The following ZSWIM6 variants were observed in gnomAD, a reference collection of about 807,000 sequenced individuals.
ZSWIM6 encodes the protein zinc finger SWIM-type containing 6.
A neutral mutation model predicts 113.2 loss-of-function variants in ZSWIM6; 9 were observed. The observed-to-expected ratio is 0.08, with a 90% CI of 0.05 to 0.14. The LOEUF is 0.14. Among genes scored for constraint, ZSWIM6 ranks in the 10% least tolerant of loss-of-function variants. The pLI, the probability that ZSWIM6 is intolerant of heterozygous loss-of-function variation, is 1.00. For synonymous variants in ZSWIM6, 611 were observed against 606.5 expected (o/e 1.01, Z -0.11); for missense variants, 1,162 against 1,552.2 (o/e 0.75, Z 4.22).
chr5:61,428,810 A>G (rs1468747149), intron 1 of ZSWIM6, among the ~76,000 whole-genome samples: 1 of 152,072 alleles, frequency 6.6e-6, no homozygotes, highest in Admixed American at 6.6e-5. Flanking sequence ...TGTTGTTTTT[A>G]TTATTTTTTT....
rs1424109652 is a variant in ZSWIM6 at position 61,384,558 on chromosome 5, AG to A, written c.676+51611del. ...AGATTATGGGGTTTAGAAAGTGTGA[AG>A]ATGGATAGGCGACCAGTTTGGCTTT... On this transcript the variant is annotated intron_variant, in intron 1 of 13. Coordinates refer to ENST00000252744, the MANE Select transcript of ZSWIM6 (RefSeq NM_020928.2). Among the ~76,000 whole-genome samples the A allele has an allele frequency of 9.8e-5, 15 of 152,312 alleles. No individual in the cohort carries two copies. In the East Asian group the frequency reaches 2.7e-3, roughly 27 times the overall value.
chr5:61,507,583 T>C (rs578253697), intron 4 of ZSWIM6, among the ~76,000 whole-genome samples: 3 of 152,362 alleles, frequency 2.0e-5, no homozygotes, highest in African/African-American at 7.2e-5. Context: ...ATTTATCTAC[T>C]GTTTCAATCT....
chr5:61,439,891 T>A (rs1746789273), intron 1 of ZSWIM6, among the ~76,000 whole-genome samples: 1 of 152,184 alleles, frequency 6.6e-6, no homozygotes, highest in Admixed American at 6.5e-5. Context: ...AATTTGGTTT[T>A]CTCATGAGAA....
At chr5:61,514,071 G>A (rs1429689223) in intron 4 of ZSWIM6, among the ~76,000 whole-genome samples, 2 of 151,994 alleles carry the variant, frequency 1.3e-5, no homozygotes, top group Admixed American at 1.3e-4. Context: ...CATGAACATG[G>A]TAACCTCCCA....
At chr5:61,514,500 A>G (rs909192691) in intron 4 of ZSWIM6, among the ~76,000 whole-genome samples, 1 of 152,022 alleles carries the variant, frequency 6.6e-6, no homozygotes, top group Non-Finnish European at 1.5e-5. Flanking sequence ...TGTGTTAACT[A>G]TAGGATTTTT....
chr5:61,340,007 C>A (rs764003628), intron 1 of ZSWIM6, among the ~76,000 whole-genome samples: 5 of 152,128 alleles, frequency 3.3e-5, no homozygotes, highest in Non-Finnish European at 7.3e-5. Flanking sequence ...TCAATCCTAC[C>A]CAGATCTCAA....
chr5:61,391,691 C>T (rs368722103), intron 1 of ZSWIM6: 11 of 1,125,634 alleles, frequency 9.8e-6, no homozygotes, highest in South Asian at 6.2e-5. Flanking sequence ...CCTGGCCTGT[C>T]GACTTCCCGC....
Position 61,531,522 on chromosome 5 carries a change from TAGA to T in ZSWIM6, c.2048_2050del (p.Glu683del). 1 of 1,551,714 alleles carries T rather than the reference TAGA, an allele frequency of 6.4e-7. No individual in the cohort carries two copies. Among genetic ancestry groups the T allele is most frequent in the Non-Finnish European group, 8.7e-7 (1 of 1,146,968 alleles). Reference sequence around the variant, plus strand: ...CAGCATCTACCTGCACACAAATTCTTAGAAGAAGGGGAATCCTATTTAACGCTG... The same window carrying T: ...CAGCATCTACCTGCACACAAATTCTTAGAAGGGGAATCCTATTTAACGCTG... On this transcript the variant is annotated inframe_deletion, in exon 9 of 14. Coordinates refer to ENST00000252744, the MANE Select transcript of ZSWIM6 (RefSeq NM_020928.2).
rs1041297674 is a variant in ZSWIM6 at position 61,442,028 on chromosome 5, T to G, written c.677-30653T>G. ...ATGTAGCAGAGAAGAAATGTAACCA[T>G]GTGTGGGAAAATAGGAATTAGCGAG... On this transcript the variant is annotated intron_variant, in intron 1 of 13. Transcript: ENST00000252744. 2.0e-5 allele frequency among the ~76,000 whole-genome samples: 3 copies of G among 152,110 alleles called. No individual in the cohort carries two copies. In the East Asian group the frequency reaches 5.8e-4, roughly 29 times the overall value.
chr5:61,496,204 G>T (rs1296809162), intron 4 of ZSWIM6, among the ~76,000 whole-genome samples: 2 of 152,006 alleles, frequency 1.3e-5, no homozygotes, highest in Admixed American at 1.3e-4. Context: ...CAAATTCTTT[G>T]ATTTCAGTCC....
intron 4 of ZSWIM6, among the ~76,000 whole-genome samples, chr5:61,495,409 A>G (rs1037493606): frequency 6.6e-6 from 1 of 152,140 alleles, no homozygotes; most frequent in Non-Finnish European, 1.5e-5. Context: ...TTGGTAAAGG[A>G]TGTGATATCA....
At chr5:61,540,522 A>C (rs1031631064) in intron 12 of ZSWIM6, among the ~76,000 whole-genome samples, 2 of 152,198 alleles carry the variant, frequency 1.3e-5, no homozygotes, top group Non-Finnish European at 2.9e-5. Context: ...ATTCTCCCTT[A>C]CAGTGACTAA....
intron 1 of ZSWIM6, among the ~76,000 whole-genome samples, chr5:61,471,111 A>G (rs1424775390): frequency 6.6e-6 from 1 of 152,226 alleles, no homozygotes; most frequent in Non-Finnish European, 1.5e-5. Flanking sequence ...AACAGTGGCT[A>G]GCTAGATGAA....
intron 1 of ZSWIM6, among the ~76,000 whole-genome samples, chr5:61,411,676 T>C (rs1561227156): frequency 6.6e-6 from 1 of 152,204 alleles, no homozygotes; most frequent in East Asian, 1.9e-4. Context: ...TGCCATCAGA[T>C]TGGGTGTCTG....
intron 5 of ZSWIM6, 29 bp downstream of exon 5, chr5:61,521,471 T>C (rs1749119154): frequency 7.1e-7 from 1 of 1,400,900 alleles, no homozygotes; most frequent in East Asian, 2.9e-5. Context: ...TCTGCTTAAA[T>C]TGTAGCTACT....
intron 1 of ZSWIM6, chr5:61,390,866 C>T (rs1451351520): frequency 4.6e-6 from 4 of 877,274 alleles, no homozygotes; most frequent in South Asian, 2.6e-5. Context: ...TCTTGGTGTC[C>T]ACCACACAGT....
At chr5:61,501,487 G>T (rs962727323) in intron 4 of ZSWIM6, among the ~76,000 whole-genome samples, 1 of 152,106 alleles carries the variant, frequency 6.6e-6, no homozygotes, top group African/African-American at 2.4e-5. Context: ...AGATTTTCAG[G>T]ATTAAAAGAG....
At position 61,391,725 on chromosome 5, in the gene ZSWIM6, G is replaced by T; in HGVS notation, c.676+58777G>T. ...GCATGATGTTGGTCATGCCAGCCTT[G>T]TATCCCAGGAAGGCTGTGAGGTGGA... is the stretch of plus-strand genomic sequence containing the variant. On this transcript the variant is annotated intron_variant, in intron 1 of 13. Coordinates refer to ENST00000252744, the MANE Select transcript of ZSWIM6 (RefSeq NM_020928.2). The T allele has an allele frequency of 3.5e-6, 4 of 1,152,196 alleles. No individual in the cohort carries two copies. The Admixed American group carries it at 6.8e-5, about 20-fold the overall frequency. 71.4% of individuals were successfully genotyped at this position (1,152,196 alleles called of 1,614,324 possible).
chr5:61,391,143 C>A, intron 1 of ZSWIM6: 1 of 780,442 alleles, frequency 1.3e-6, no homozygotes, highest in Non-Finnish European at 2.4e-6. Context: ...CTCGATGGGT[C>A]TTGTGGGGTA....
Sources: gnomAD v4.1 joint callset for allele counts (sites outside exome capture counted in the v4.1 genomes callset) on GRCh38, gnomAD v4.1.1 for gene constraint, MANE v1.5 for transcripts, NCBI Gene and HGNC (gene_info 2026-07-23, HGNC 2026-07-21) for gene names.